ZBTB20: variants seen among roughly 807,000 people sequenced by gnomAD.
The protein encoded by ZBTB20 is zinc finger and BTB domain-containing protein 20.
ZBTB20 carries 9 observed loss-of-function variants against 56.9 expected under a neutral mutation model. That is an observed-to-expected ratio of 0.16 (90% CI 0.10 to 0.28). The LOEUF (loss-of-function observed/expected upper bound fraction) is 0.28, where lower values mean the gene tolerates loss of function less well. Ranked by LOEUF, ZBTB20 falls within the 10% of genes least tolerant of loss-of-function variation. The pLI, the probability that ZBTB20 is intolerant of heterozygous loss-of-function variation, is 1.00. For synonymous variants in ZBTB20, 417 were observed against 420.7 expected (o/e 0.99, Z 0.11); for missense variants, 655 against 1,003.0 (o/e 0.65, Z 4.69).
intron 3 of ZBTB20, among the ~76,000 whole-genome samples, chr3:114,966,179 C>A (rs2077640984): frequency 6.6e-6 from 1 of 152,084 alleles, no homozygotes. Context: ...ACATCAATTA[C>A]TTCTTTGTAA....
At chr3:114,379,968 T>C (rs1460139042) in intron 10 of ZBTB20, among the ~76,000 whole-genome samples, 1 of 152,232 alleles carries the variant, frequency 6.6e-6, no homozygotes, top group African/African-American at 2.4e-5. Context: ...GTTAGTGTTA[T>C]GAAAAGAACG....
chr3:114,980,635 T>C (rs932594390), intron 2 of ZBTB20, among the ~76,000 whole-genome samples: 1 of 151,844 alleles, frequency 6.6e-6, no homozygotes, highest in African/African-American at 2.4e-5. Context: ...TATAATAGTT[T>C]TGAAGTAAGC....
At chr3:114,370,840 T>C (rs2082918165) in intron 10 of ZBTB20, among the ~76,000 whole-genome samples, 1 of 152,234 alleles carries the variant, frequency 6.6e-6, no homozygotes, top group Non-Finnish European at 1.5e-5. Flanking sequence ...TTTGATTCCT[T>C]TAAATGCTTT....
chr3:114,503,512 T>G (rs1196989311), intron 6 of ZBTB20, among the ~76,000 whole-genome samples: 3 of 152,254 alleles, frequency 2.0e-5, no homozygotes, highest in Non-Finnish European at 4.4e-5. Flanking sequence ...CATTGATACA[T>G]GCTCTTTCCA....
chr3:115,146,392 G>T (rs1045097460), intron 1 of ZBTB20, among the ~76,000 whole-genome samples: 11 of 141,228 alleles, frequency 7.8e-5, no homozygotes, highest in Non-Finnish European at 1.7e-4. Flanking sequence ...GTGGGGGGAG[G>T]ACCCAAAAGC....
chr3:114,754,286 TTTCTC>T (rs1176792265), intron 5 of ZBTB20, among the ~76,000 whole-genome samples: 1 of 152,100 alleles, frequency 6.6e-6, no homozygotes, highest in South Asian at 2.1e-4. Flanking sequence ...CTCACACACA[TTTCTC>T]TTCTCTTCTC....
intron 1 of ZBTB20, among the ~76,000 whole-genome samples, chr3:115,108,740 G>A (rs1046623621): frequency 2.6e-5 from 4 of 152,110 alleles, no homozygotes; most frequent in African/African-American, 4.8e-5. Flanking sequence ...GGAGTTCCTC[G>A]GAGTGACCAG....
intron 2 of ZBTB20, among the ~76,000 whole-genome samples, chr3:115,030,786 T>C (rs1446238900): frequency 1.3e-5 from 2 of 151,308 alleles, no homozygotes; most frequent in African/African-American, 2.4e-5. Flanking sequence ...ATATGTACCA[T>C]ATACAAACCG....
At chr3:114,510,030 C>T (rs963106548) in intron 6 of ZBTB20, among the ~76,000 whole-genome samples, 3 of 152,112 alleles carry the variant, frequency 2.0e-5, no homozygotes, top group African/African-American at 7.2e-5. Context: ...GAACCCGCAG[C>T]AGTCTGTGAA....
At chr3:114,896,031 A>G (rs550007627) in intron 4 of ZBTB20, among the ~76,000 whole-genome samples, 21 of 152,132 alleles carry the variant, frequency 1.4e-4, no homozygotes, top group Non-Finnish European at 2.2e-4. Flanking sequence ...ATGGTGATTT[A>G]TTTAAGGAAT....
At chr3:114,445,690 G>A (rs1311189584) in intron 7 of ZBTB20, 2 of 152,142 alleles carry the variant, frequency 1.3e-5, no homozygotes, top group Non-Finnish European at 2.9e-5. Context: ...TAAGTCTAGA[G>A]AGATTTTTGT....
chr3:114,892,026 G>A (rs938536414), intron 4 of ZBTB20, among the ~76,000 whole-genome samples: 4 of 151,546 alleles, frequency 2.6e-5, no homozygotes, highest in African/African-American at 7.3e-5. Flanking sequence ...CAGCCTGGGC[G>A]ACAGAGCGAG....
chr3:114,393,796 A>C (rs2086097696), intron 7 of ZBTB20, among the ~76,000 whole-genome samples: 1 of 152,202 alleles, frequency 6.6e-6, no homozygotes, highest in African/African-American at 2.4e-5. Context: ...TCATCACTGT[A>C]ATAAAGAATC....
chr3:114,375,538 T>C (rs925386968), intron 10 of ZBTB20, among the ~76,000 whole-genome samples: 1 of 152,190 alleles, frequency 6.6e-6, no homozygotes, highest in African/African-American at 2.4e-5. Context: ...AGCCTATAAG[T>C]TTTTACAGAG....
intron 2 of ZBTB20, among the ~76,000 whole-genome samples, chr3:114,982,041 C>T (rs1249008014): frequency 6.6e-6 from 1 of 151,994 alleles, no homozygotes; most frequent in African/African-American, 2.4e-5. Flanking sequence ...GTAAATTTCC[C>T]AGAGTCAATG....
At chr3:114,950,874 A>C (rs2077042968) in intron 3 of ZBTB20, among the ~76,000 whole-genome samples, 1 of 152,196 alleles carries the variant, frequency 6.6e-6, no homozygotes, top group African/African-American at 2.4e-5. Flanking sequence ...ATCTGCAAGC[A>C]CATGTAAATG....
chr3:114,664,760 G>T (rs1301191536), intron 6 of ZBTB20, among the ~76,000 whole-genome samples: 7 of 151,998 alleles, frequency 4.6e-5, no homozygotes, highest in Non-Finnish European at 8.8e-5. Context: ...ATATCACAAA[G>T]AAAAGAAAAC....
At chr3:114,681,656 A>G (rs562194603) in intron 6 of ZBTB20, among the ~76,000 whole-genome samples, 52 of 152,326 alleles carry the variant, frequency 3.4e-4, no homozygotes, top group South Asian at 1.7e-3. Context: ...AAAGATAGCA[A>G]ATAATAACTA....
chr3:114,513,473 C>G (rs983710585), intron 6 of ZBTB20, among the ~76,000 whole-genome samples: 9 of 152,134 alleles, frequency 5.9e-5, no homozygotes, highest in Non-Finnish European at 1.3e-4. Context: ...TTAACACTCT[C>G]CATGCTGGCA....
Sources: gnomAD v4.1 joint callset for allele counts (sites outside exome capture counted in the v4.1 genomes callset) on GRCh38, gnomAD v4.1.1 for gene constraint, MANE v1.5 for transcripts, NCBI Gene and HGNC (gene_info 2026-07-23, HGNC 2026-07-21) for gene names.